The following CDH12 variants were observed in gnomAD, a reference collection of about 807,000 sequenced individuals.
CDH12 encodes cadherin 12.
CDH12 carries 41 observed loss-of-function variants against 74.1 expected under a neutral mutation model. The ratio of observed to expected loss-of-function variants is 0.55; its 90% CI spans 0.43 to 0.72. The LOEUF (loss-of-function observed/expected upper bound fraction) is 0.72. Among genes scored for constraint, CDH12 ranks in the 30% least tolerant of loss-of-function variants. CDH12 has a pLI of 0.00. For synonymous variants in CDH12, 399 were observed against 355.0 expected (o/e 1.12, Z -1.39); for missense variants, 945 against 977.2 (o/e 0.97, Z 0.44).
intron 2 of CDH12, among the ~76,000 whole-genome samples, chr5:22,452,901 A>AAAAAAAG (rs1561415313): frequency 7.9e-6 from 1 of 125,940 alleles, no homozygotes; most frequent in African/African-American, 2.6e-5. Context: ...AAAAAAAAAA[A>AAAAAAAG]AAATGAGTTA....
intron 4 of CDH12, among the ~76,000 whole-genome samples, chr5:22,107,899 C>A (rs1744578618): frequency 6.6e-6 from 1 of 152,042 alleles, no homozygotes; most frequent in South Asian, 2.1e-4. Context: ...GTGTTACAGG[C>A]ATAAGATGAG....
rs73068122 is a variant in CDH12, at chr5:22,717,612, C to T, written c.-523+135446G>A. 4.1e-3 allele frequency among the ~76,000 whole-genome samples: 619 copies of T among 152,056 alleles called. 5 individuals carry two copies. The highest frequency in any genetic ancestry group is 0.014 in the African/African-American group (598 of 41,450). The stretch of plus-strand genomic sequence containing the variant: ...CCAGGCAAGTTTAGAAGTGGTGGGT[C>T]GATATCCAATAAGAAGAAAAACATG... On this transcript the variant is annotated intron_variant, in intron 1 of 14. Coordinates refer to ENST00000382254, the MANE Select transcript of CDH12 (RefSeq NM_004061.5).
chr5:22,208,068 C>A (rs533459517), intron 4 of CDH12, among the ~76,000 whole-genome samples: 55 of 152,252 alleles, frequency 3.6e-4, no homozygotes, highest in African/African-American at 1.3e-3. Context: ...CTGACTTGTC[C>A]AAGGCCACAG....
At chr5:22,264,055 A>G (rs1753619962) in intron 3 of CDH12, among the ~76,000 whole-genome samples, 2 of 151,402 alleles carry the variant, frequency 1.3e-5, no homozygotes, top group African/African-American at 4.9e-5. Context: ...TTGCTCTGAA[A>G]ATCTATATGT....
At chr5:22,152,683 A>G (rs1294896315) in intron 4 of CDH12, among the ~76,000 whole-genome samples, 3 of 152,180 alleles carry the variant, frequency 2.0e-5, no homozygotes, top group East Asian at 1.9e-4. Flanking sequence ...ATTACTAACT[A>G]TAGTCACCAT....
chr5:22,640,594 C>T (rs1463331339), intron 1 of CDH12, among the ~76,000 whole-genome samples: 2 of 152,086 alleles, frequency 1.3e-5, no homozygotes, highest in Non-Finnish European at 2.9e-5. Flanking sequence ...TCCACTGGTC[C>T]AGTTGTCATG....
Position 21,866,172 on chromosome 5 carries a change from AATTGCCCAGACTCCAG to A in CDH12, c.527-11398_527-11383del, listed in dbSNP as rs1422233231. On this transcript the variant is annotated intron_variant, in intron 6 of 14. Transcript: ENST00000382254. ...GTCCATTACATCTCTTTCTTTTGTAAATTGCCCAGACTCCAGTGTTTTTATTGGCAGTGTGAAAAAG... is the reference window on the plus strand; with the variant it reads ...GTCCATTACATCTCTTTCTTTTGTAATGTTTTTATTGGCAGTGTGAAAAAG... 5.3e-5 allele frequency among the ~76,000 whole-genome samples: 8 copies of A among 152,240 alleles called. No individual in the cohort carries two copies. In the East Asian group the frequency reaches 1.5e-3, roughly 29 times the overall value.
chr5:22,144,293 C>A (rs1209098809), intron 4 of CDH12: 1 of 152,248 alleles, frequency 6.6e-6, no homozygotes, highest in South Asian at 2.1e-4. Context: ...CTATTGGTTA[C>A]AGTTTAAAAT....
At chr5:21,901,491 C>T (rs747837999) in intron 6 of CDH12, among the ~76,000 whole-genome samples, 1 of 152,178 alleles carries the variant, frequency 6.6e-6, no homozygotes, top group Admixed American at 6.6e-5. Context: ...ACTTCTATGA[C>T]ATTCTTTCCC....
chr5:22,659,495 A>G (rs1305987052), intron 1 of CDH12, among the ~76,000 whole-genome samples: 1 of 152,124 alleles, frequency 6.6e-6, no homozygotes, highest in Non-Finnish European at 1.5e-5. Context: ...TATATGAATC[A>G]CTCAGCTAGA....
intron 4 of CDH12, among the ~76,000 whole-genome samples, chr5:22,096,512 C>T (rs928282513): frequency 1.3e-5 from 2 of 152,046 alleles, no homozygotes; most frequent in Non-Finnish European, 2.9e-5. Flanking sequence ...AGCTAGGTGC[C>T]AATTCTTCCT....
chr5:22,042,857 T>A (rs1455623320), intron 5 of CDH12, among the ~76,000 whole-genome samples: 2 of 128,594 alleles, frequency 1.6e-5, no homozygotes, highest in Non-Finnish European at 3.1e-5. Context: ...GCCACCACAC[T>A]CCAGCCTAGG....
At chr5:21,755,943 G>A (rs1744372050) in intron 13 of CDH12, 101 bp from the exon 14 acceptor site, 1 of 1,071,244 alleles carries the variant, frequency 9.3e-7, no homozygotes, top group South Asian at 1.7e-5. Flanking sequence ...CTTGAATCAG[G>A]AAAATGGATT....
At chr5:21,821,053 G>T (rs751322819) in intron 8 of CDH12, among the ~76,000 whole-genome samples, 1 of 151,754 alleles carries the variant, frequency 6.6e-6, no homozygotes, top group African/African-American at 2.4e-5. Context: ...TAATTATAAT[G>T]ATCATATTCT....
At chr5:22,605,665 G>A (rs923319519) in intron 1 of CDH12, among the ~76,000 whole-genome samples, 21 of 152,238 alleles carry the variant, frequency 1.4e-4, no homozygotes, top group South Asian at 4.1e-4. Context: ...AGGGCACACC[G>A]ACAGCTTGTC....
chr5:22,020,536 A>G (rs1470473357), intron 5 of CDH12, among the ~76,000 whole-genome samples: 1 of 149,324 alleles, frequency 6.7e-6, no homozygotes, highest in East Asian at 2.0e-4. Flanking sequence ...CCTGGGTGAC[A>G]AGAGTGAGAC....
At chr5:22,079,873 A>G (rs1423749169) in intron 4 of CDH12, among the ~76,000 whole-genome samples, 1 of 150,998 alleles carries the variant, frequency 6.6e-6, no homozygotes, top group African/African-American at 2.5e-5. Flanking sequence ...AGTCAAATAA[A>G]TAACTGAGGG....
At chr5:22,233,277 G>A (rs1752451289) in intron 3 of CDH12, among the ~76,000 whole-genome samples, 1 of 151,144 alleles carries the variant, frequency 6.6e-6, no homozygotes, top group African/African-American at 2.4e-5. Flanking sequence ...AAAATAAACT[G>A]ATCATAGATA....
At chr5:22,510,409 C>T (rs973853637) in intron 1 of CDH12, among the ~76,000 whole-genome samples, 3 of 152,088 alleles carry the variant, frequency 2.0e-5, no homozygotes, top group Non-Finnish European at 4.4e-5. Flanking sequence ...GGCATAGAGT[C>T]TAAATGATAC....
Sources: allele counts gnomAD v4.1 joint callset (sites outside exome capture counted in the v4.1 genomes callset), GRCh38; gene constraint gnomAD v4.1.1; transcripts MANE v1.5; gene names NCBI Gene and HGNC (gene_info 2026-07-23, HGNC 2026-07-21).